The following VWDE variants were observed in gnomAD, a reference collection of about 807,000 sequenced individuals.
VWDE encodes the protein von Willebrand factor D and EGF domain-containing protein.
VWDE carries 207 observed loss-of-function variants against 178.4 expected under a neutral mutation model. The observed-to-expected ratio is 1.16, with a 90% CI of 1.04 to 1.30. VWDE has a LOEUF of 1.30. VWDE is among the 50% of genes most tolerant of loss of function. The pLI is 0.00. For synonymous variants in VWDE, 738 were observed against 651.4 expected (o/e 1.13, Z -2.02); for missense variants, 2,287 against 1,901.3 (o/e 1.20, Z -3.77).
intron 27 of VWDE, among the ~76,000 whole-genome samples, chr7:12,334,402 C>T (rs1562455846): frequency 6.6e-6 from 1 of 152,026 alleles, no homozygotes; most frequent in Non-Finnish European, 1.5e-5. Flanking sequence ...ATACTTGAAG[C>T]TTACACATTC....
chr7:12,350,614 C>T (rs1011838208), intron 19 of VWDE, among the ~76,000 whole-genome samples: 1 of 152,080 alleles, frequency 6.6e-6, no homozygotes, highest in East Asian at 1.9e-4. Flanking sequence ...TAGAGGTACA[C>T]TACACTACAA....
Position 12,344,768 on chromosome 7 carries a change from G to C in VWDE, c.3887-299C>G, listed in dbSNP as rs573738616. ...GAGAAAACAATGTTAATAATTGTGA[G>C]AAGATAGAAACAATGCCTTTAAAAT... On this transcript the variant is annotated intron_variant, in intron 19 of 28. Transcript: ENST00000275358. Among the ~76,000 whole-genome samples the C allele has an allele frequency of 6.6e-5, 10 of 152,282 alleles. No homozygotes were observed. The East Asian group carries it at 1.9e-3, about 29-fold the overall frequency.
rs539871342 is a variant in VWDE, at chr7:12,336,900, A to G, written c.4558+88T>C. The stretch of plus-strand genomic sequence containing the variant: ...AAAATTTTAAAAAGACCAAGCAAAC[A>G]AAAGTGAAAAAAATGCTCTGTTTTA... On this transcript the variant is annotated intron_variant, in intron 26 of 28. Transcript: ENST00000275358. 15 of 1,296,180 alleles carry G rather than the reference A, an allele frequency of 1.2e-5. No homozygotes were observed. In the South Asian group the frequency reaches 1.3e-4, roughly 11 times the overall value. The allele number at this position is 1,296,180 out of a possible 1,614,324, so 80.3% of individuals were successfully genotyped here. A position where few individuals can be genotyped will look rare whatever the true frequency, so the allele number is the denominator to read the frequency against.
intron 3 of VWDE, among the ~76,000 whole-genome samples, chr7:12,385,201 C>T (rs1010016788): frequency 6.6e-6 from 1 of 152,014 alleles, no homozygotes; most frequent in Admixed American, 6.6e-5. Context: ...AGAATCAAAA[C>T]GTCTTCATGA....
chr7:12,338,710 C>T, intron 24 of VWDE, among the ~76,000 whole-genome samples: 1 of 152,074 alleles, frequency 6.6e-6, no homozygotes, highest in East Asian at 1.9e-4. Flanking sequence ...ATTCTGTCAC[C>T]AAATCCTGAA....
chr7:12,402,478 T>A (rs1784948381), intron 1 of VWDE, among the ~76,000 whole-genome samples: 1 of 152,194 alleles, frequency 6.6e-6, no homozygotes. Flanking sequence ...ATGGGTAATA[T>A]TTGTCTTCAG....
At chr7:12,382,526 A>C (rs1028602530) in intron 4 of VWDE, among the ~76,000 whole-genome samples, 1 of 151,884 alleles carries the variant, frequency 6.6e-6, no homozygotes, top group East Asian at 1.9e-4. Flanking sequence ...ATAAATTTTG[A>C]GGATTATTAT....
chr7:12,367,919 T>C (rs191439942), intron 12 of VWDE, among the ~76,000 whole-genome samples: 5 of 152,254 alleles, frequency 3.3e-5, no homozygotes. Context: ...AAATGTCATC[T>C]GTATCAGTAA....
At chr7:12,362,948 A>C (rs973763293) in intron 13 of VWDE, among the ~76,000 whole-genome samples, 2 of 152,104 alleles carry the variant, frequency 1.3e-5, no homozygotes, top group Non-Finnish European at 2.9e-5. Flanking sequence ...GACTGGCAAT[A>C]TAGAGATTAT....
chr7:12,341,574 G>A (rs1020617972), intron 23 of VWDE, among the ~76,000 whole-genome samples: 3 of 151,872 alleles, frequency 2.0e-5, no homozygotes, highest in African/African-American at 7.3e-5. Context: ...AGAAGTTACA[G>A]TGAGCCAAGA....
In VWDE at chr7:12,375,284, T is replaced by C. The variant is rs929978271; in HGVS notation, c.1025-57A>G. ...CCAAGAGAATATACTAACCAAAGCA[T>C]GTAATAAATTAATTAACATGAAACA... On this transcript the variant is annotated intron_variant, in intron 7 of 28. Coordinates refer to ENST00000275358, the MANE Select transcript of VWDE (RefSeq NM_001135924.3). 3 of 1,170,082 alleles carry C rather than the reference T, an allele frequency of 2.6e-6. No homozygotes were observed. The African/African-American group carries it at 4.6e-5, about 18-fold the overall frequency. 72.5% of individuals were successfully genotyped at this position (1,170,082 alleles called of 1,614,324 possible).
Position 12,370,873 on chromosome 7 carries a change from C to A in VWDE, c.1588-9G>T. The A allele has an allele frequency of 6.7e-7, 1 of 1,501,366 alleles. No individual in the cohort carries two copies. The highest frequency in any genetic ancestry group is 1.7e-4 in the Middle Eastern group (1 of 5,744). The allele number at this position is 1,501,366 out of a possible 1,614,324, so 93.0% of individuals were successfully genotyped here. A position where few individuals can be genotyped will look rare whatever the true frequency, so the allele number is the denominator to read the frequency against. On this transcript the variant is annotated splice_polypyrimidine_tract_variant and intron_variant, in intron 10 of 28. Transcript: ENST00000275358. ...CCAGAAGAAAACCAGATCTGAAAAACAGAAATAAATACAGAAATAAAAGAT... is the reference window on the plus strand; with the variant it reads ...CCAGAAGAAAACCAGATCTGAAAAAAAGAAATAAATACAGAAATAAAAGAT...
At chr7:12,355,301 A>T (rs1474962984) in intron 18 of VWDE, among the ~76,000 whole-genome samples, 1 of 151,962 alleles carries the variant, frequency 6.6e-6, no homozygotes, top group Non-Finnish European at 1.5e-5. Flanking sequence ...CTGTAGTCCC[A>T]GCCACTCGGG....
Position 12,351,658 on chromosome 7 carries a change from A to T in VWDE, c.3801T>A (p.Ser1267=). Residue 1267 remains serine, a synonymous_variant, in exon 19 of 29, where the codon TCT becomes TCA. Coordinates refer to ENST00000275358, the MANE Select transcript of VWDE (RefSeq NM_001135924.3). ...FTTQTVVLTR[S]DKSVNKEEDD... is the part of the protein sequence containing the mutation. ...CCTCTTCTTTATTTACACTTTTATC[A>T]GATCTTGTGAGAACCACAGTTTGTG... 1 of 1,550,112 alleles carries T rather than the reference A, an allele frequency of 6.5e-7. No homozygotes were observed. Among genetic ancestry groups the T allele is most frequent in the Admixed American group, 2.0e-5 (1 of 50,894 alleles).
At chr7:12,374,865 T>A (rs1783427326) in intron 8 of VWDE, 103 bp from the exon 9 acceptor site, 3 of 1,153,008 alleles carry the variant, frequency 2.6e-6, no homozygotes, top group Non-Finnish European at 3.6e-6. Context: ...TAATTATTGT[T>A]TTTATCATAG....
chr7:12,393,347 A>G (rs1784475004), intron 2 of VWDE, among the ~76,000 whole-genome samples: 1 of 152,178 alleles, frequency 6.6e-6, no homozygotes, highest in Non-Finnish European at 1.5e-5. Context: ...GATAGATTGT[A>G]TGCTACAGTT....
intron 1 of VWDE, among the ~76,000 whole-genome samples, chr7:12,402,661 A>T (rs1025632941): frequency 2.7e-5 from 4 of 150,216 alleles, no homozygotes; most frequent in African/African-American, 9.9e-5. Flanking sequence ...ATTCATAAAG[A>T]TTTAGTAACG....
intron 13 of VWDE, among the ~76,000 whole-genome samples, 156 bp downstream of exon 13, chr7:12,367,201 T>G (rs1456607266): frequency 6.6e-6 from 1 of 152,056 alleles, no homozygotes; most frequent in Non-Finnish European, 1.5e-5. Flanking sequence ...CAAAGAAGCG[T>G]CAACATTATG....
At chr7:12,376,338 A>C (rs1429722363) in intron 7 of VWDE, among the ~76,000 whole-genome samples, 1 of 152,104 alleles carries the variant, frequency 6.6e-6, no homozygotes, top group Non-Finnish European at 1.5e-5. Flanking sequence ...ATTTAATGCT[A>C]CTGTACTTAA....
Sources: allele counts gnomAD v4.1 joint callset (sites outside exome capture counted in the v4.1 genomes callset), GRCh38; gene constraint gnomAD v4.1.1; transcripts MANE v1.5; gene names NCBI Gene and HGNC (gene_info 2026-07-23, HGNC 2026-07-21).